LCORL: variants seen among roughly 807,000 people sequenced by gnomAD.
LCORL encodes ligand-dependent nuclear receptor corepressor-like protein.
In LCORL, 41 loss-of-function variants were observed where a neutral mutation model predicts 141.8. The observed-to-expected ratio is 0.29, with a 90% CI of 0.23 to 0.38. LCORL has a LOEUF of 0.38. LCORL is among the 10% of genes least tolerant of loss of function. The pLI is 1.00. For missense variants in LCORL, 1,759 were observed against 2,035.0 expected, an observed-to-expected ratio of 0.86 and a Z score of 2.61; for synonymous variants, 618 against 694.1, an observed-to-expected ratio of 0.89 and a Z score of 1.72.
At chr4:17,883,045 T>A in intron 6 of LCORL, 1 of 978,330 alleles carries the variant, frequency 1.0e-6, no homozygotes, top group South Asian at 4.7e-5. Flanking sequence ...TTTTAAAGTA[T>A]ATACCTTATA....
chr4:17,842,738 G>A (rs1722537443), exon 8 of LCORL: 1 of 195,276 alleles, frequency 5.1e-6, no homozygotes, highest in Non-Finnish European at 1.1e-5. Flanking sequence ...TCTATAATTT[G>A]GGTATATTGT....
At chr4:18,012,766 T>C (rs1216303861) in intron 1 of LCORL, among the ~76,000 whole-genome samples, 2 of 152,214 alleles carry the variant, frequency 1.3e-5, no homozygotes, top group Non-Finnish European at 2.9e-5. Context: ...CTCAGTATTT[T>C]GTTACTATCA....
chr4:17,867,222 C>A (rs895374629), intron 7 of LCORL, among the ~76,000 whole-genome samples: 3 of 151,756 alleles, frequency 2.0e-5, no homozygotes, highest in Non-Finnish European at 4.4e-5. Context: ...TGGGGACGAA[C>A]AAGATAGGAT....
At chr4:17,906,148 T>C (rs1463579927) in intron 5 of LCORL, among the ~76,000 whole-genome samples, 2 of 152,222 alleles carry the variant, frequency 1.3e-5, no homozygotes, top group Admixed American at 1.3e-4. Flanking sequence ...AGTGGGTACA[T>C]ATACACACAT....
At chr4:17,988,435 ATTTT>A (rs1030505279) in intron 1 of LCORL, among the ~76,000 whole-genome samples, 1 of 151,684 alleles carries the variant, frequency 6.6e-6, no homozygotes, top group African/African-American at 2.4e-5. Context: ...TGCCTGGCTT[ATTTT>A]TTTATTTTAT....
chr4:17,912,588 A>G (rs1427333857), intron 4 of LCORL: 2 of 418,646 alleles, frequency 4.8e-6, no homozygotes, highest in Non-Finnish European at 9.2e-6. Context: ...GTGCTCGTGC[A>G]GCTGAGACTT....
At chr4:17,875,473 C>T (rs1726820195) in exon 7 of LCORL, 1 of 1,231,428 alleles carries the variant, frequency 8.1e-7, no homozygotes. Flanking sequence ...AAATCACCAG[C>T]ATTATTGTTT....
At chr4:17,916,658 T>A (rs1476970337) in intron 4 of LCORL, among the ~76,000 whole-genome samples, 1 of 150,252 alleles carries the variant, frequency 6.7e-6, no homozygotes, top group East Asian at 1.9e-4. Flanking sequence ...TTTTTTTTTT[T>A]TTTTTTTTTA....
intron 1 of LCORL, among the ~76,000 whole-genome samples, chr4:17,978,412 C>T (rs1478470183): frequency 6.6e-6 from 1 of 151,982 alleles, no homozygotes; most frequent in East Asian, 1.9e-4. Context: ...GCATGGCCAA[C>T]AAAGCAAGAC....
At position 17,962,036 on chromosome 4, in the gene LCORL, A is replaced by C. The variant is rs1713904396; in HGVS notation, c.301-4T>G. On this transcript the variant is annotated splice_region_variant and splice_polypyrimidine_tract_variant and intron_variant, in intron 3 of 7. Transcript: ENST00000635767. Reference sequence around the variant, plus strand: ...AATCAAGAGATGGTATACAATCCTAAAAGTATAAGAAAACAACAACATACA... The same window carrying C: ...AATCAAGAGATGGTATACAATCCTACAAGTATAAGAAAACAACAACATACA... The C allele has an allele frequency of 6.4e-7, 1 of 1,566,824 alleles. No homozygotes were observed. The highest frequency in any genetic ancestry group is 1.2e-5 in the South Asian group (1 of 82,494).
chr4:17,877,007 A>C, exon 7 of LCORL: 1 of 1,230,628 alleles, frequency 8.1e-7, no homozygotes, highest in Non-Finnish European at 1.0e-6. Flanking sequence ...TGTCTGATGA[A>C]GATATCTCAT....
At chr4:17,841,921 C>G (rs1722449814) in exon 8 of LCORL, 1 of 160,666 alleles carries the variant, frequency 6.2e-6, no homozygotes, top group Non-Finnish European at 1.4e-5. Context: ...GTTTATGCAC[C>G]TAACCTACCT....
chr4:18,015,638 G>T (rs1218894986), intron 1 of LCORL, among the ~76,000 whole-genome samples: 1 of 151,638 alleles, frequency 6.6e-6, no homozygotes, highest in Admixed American at 6.6e-5. Flanking sequence ...AAGTCTTTTG[G>T]ATAGCAGACC....
intron 4 of LCORL, among the ~76,000 whole-genome samples, chr4:17,909,904 A>C (rs1732247379): frequency 6.6e-6 from 1 of 152,144 alleles, no homozygotes; most frequent in African/African-American, 2.4e-5. Context: ...AAATGAAAGA[A>C]TAGTACAATG....
At chr4:17,995,760 CCT>C (rs1388453816) in intron 1 of LCORL, among the ~76,000 whole-genome samples, 2 of 151,970 alleles carry the variant, frequency 1.3e-5, no homozygotes, top group African/African-American at 4.8e-5. Flanking sequence ...ATTAGCGTCC[CCT>C]GAGTTTTATA....
Position 17,987,306 on chromosome 4 carries a change from A to G in LCORL, c.155-14421T>C, listed in dbSNP as rs145005688. Among the ~76,000 whole-genome samples the G allele has an allele frequency of 2.0e-3, 306 of 152,330 alleles. 2 individuals are homozygous for G. The highest frequency in any genetic ancestry group is 7.0e-3 in the African/African-American group (291 of 41,572). On this transcript the variant is annotated intron_variant, in intron 1 of 7. Transcript: ENST00000635767. The stretch of plus-strand genomic sequence containing the variant: ...TTTTCTGATATTACATATAAAGAGA[A>G]TATCACATATGCACTTTTGTGTCTG...
At chr4:18,004,571 T>C (rs966853059) in intron 1 of LCORL, among the ~76,000 whole-genome samples, 14 of 152,178 alleles carry the variant, frequency 9.2e-5, no homozygotes, top group African/African-American at 3.4e-4. Context: ...TACGTGGGAA[T>C]TGTGGGAATT....
chr4:17,900,896 G>A (rs1194709531), intron 5 of LCORL, among the ~76,000 whole-genome samples: 3 of 152,048 alleles, frequency 2.0e-5, no homozygotes, highest in Non-Finnish European at 4.4e-5. Flanking sequence ...CAATTGATGA[G>A]ATTTCTCCTT....
At chr4:17,995,834 T>C (rs1453343022) in intron 1 of LCORL, among the ~76,000 whole-genome samples, 2 of 152,058 alleles carry the variant, frequency 1.3e-5, no homozygotes, top group African/African-American at 4.8e-5. Flanking sequence ...GAATATGGAG[T>C]GAAGACTCAG....
Sources: allele counts gnomAD v4.1 joint callset (sites outside exome capture counted in the v4.1 genomes callset), GRCh38; gene constraint gnomAD v4.1.1; transcripts MANE v1.5; gene names NCBI Gene and HGNC (gene_info 2026-07-23, HGNC 2026-07-21).